The following PPP2R3C variants were observed in gnomAD, a reference collection of about 807,000 sequenced individuals.
The protein encoded by PPP2R3C is serine/threonine-protein phosphatase 2A regulatory subunit B'' subunit gamma.
PPP2R3C carries 47 observed loss-of-function variants against 63.7 expected under a neutral mutation model. The ratio of observed to expected loss-of-function variants is 0.74; its 90% CI spans 0.58 to 0.94. The LOEUF is 0.94. PPP2R3C is among the 40% of genes least tolerant of loss of function. PPP2R3C has a pLI of 0.00. For synonymous variants in PPP2R3C, 180 were observed against 177.4 expected, an observed-to-expected ratio of 1.01 and a Z score of -0.12; for missense variants, 421 against 518.4, an observed-to-expected ratio of 0.81 and a Z score of 1.82.
chr14:35,101,373 A>G (rs1377227823), intron 6 of PPP2R3C: 1 of 152,240 alleles, frequency 6.6e-6, no homozygotes, highest in Non-Finnish European at 1.5e-5. Flanking sequence ...GGAAATGAGG[A>G]GGGCAAGTGT....
intron 6 of PPP2R3C, chr14:35,102,233 AG>A (rs2138659965): frequency 6.6e-6 from 1 of 152,320 alleles, no homozygotes; most frequent in Non-Finnish European, 1.5e-5. Flanking sequence ...CATGTTGGCC[AG>A]GCTGGTCTCG....
intron 6 of PPP2R3C, among the ~76,000 whole-genome samples, chr14:35,104,543 A>G (rs2046289857): frequency 6.6e-6 from 1 of 152,176 alleles, no homozygotes; most frequent in African/African-American, 2.4e-5. Context: ...CCTGAGGTGA[A>G]AAGTAAGTCC....
intron 4 of PPP2R3C, among the ~76,000 whole-genome samples, chr14:35,109,512 T>A (rs1479330574): frequency 6.6e-6 from 1 of 151,882 alleles, no homozygotes; most frequent in Non-Finnish European, 1.5e-5. Context: ...AAGGTCTTGC[T>A]CTATCGCCCA....
At chr14:35,108,277 A>G in intron 4 of PPP2R3C, 41 bp from the exon 5 acceptor site, 1 of 1,530,958 alleles carries the variant, frequency 6.5e-7, no homozygotes. Flanking sequence ...CTGCCAACAT[A>G]AAAGAAAATG....
chr14:35,091,492 G>A (rs891746892), intron 10 of PPP2R3C, among the ~76,000 whole-genome samples: 4 of 150,700 alleles, frequency 2.7e-5, no homozygotes, highest in Non-Finnish European at 4.4e-5. Flanking sequence ...CTCAGCCTCC[G>A]GAGTAGCTGG....
chr14:35,094,337 A>AT (rs1173397271), intron 10 of PPP2R3C, among the ~76,000 whole-genome samples: 24 of 152,000 alleles, frequency 1.6e-4, no homozygotes, highest in Admixed American at 1.6e-3. Flanking sequence ...TGCCCAAGTA[A>AT]TTTTTTTATT....
intron 10 of PPP2R3C, among the ~76,000 whole-genome samples, chr14:35,094,484 A>ATT (rs1566687546): frequency 9.4e-5 from 14 of 149,320 alleles, no homozygotes; most frequent in South Asian, 4.3e-4. Context: ...TTTTTTTTAA[A>ATT]AAAAAAAAAA....
At chr14:35,121,755 A>T in intron 1 of PPP2R3C, 147 bp downstream of exon 1, 1 of 890,498 alleles carries the variant, frequency 1.1e-6, no homozygotes, top group East Asian at 2.6e-5. Flanking sequence ...CGGGATCCTT[A>T]AACCACATTC....
intron 6 of PPP2R3C, 47 bp from the exon 7 acceptor site, chr14:35,099,431 T>C (rs200278027): frequency 5.8e-5 from 90 of 1,549,162 alleles, no homozygotes; most frequent in African/African-American, 1.8e-4. Context: ...TCTTGATTCA[T>C]TAGATATTAG....
intron 1 of PPP2R3C, among the ~76,000 whole-genome samples, chr14:35,117,696 A>C (rs1459058227): frequency 6.6e-6 from 1 of 150,950 alleles, no homozygotes; most frequent in African/African-American, 2.4e-5. Flanking sequence ...TGCATCTGTT[A>C]ATTTTTTTTT....
chr14:35,112,572 C>G (rs539860998), intron 2 of PPP2R3C, among the ~76,000 whole-genome samples: 34 of 152,150 alleles, frequency 2.2e-4, no homozygotes, highest in African/African-American at 7.9e-4. Flanking sequence ...GAGTATAAAC[C>G]AAAAATAAAA....
At chr14:35,087,077 G>C (rs2045626784) in intron 12 of PPP2R3C, 2 of 152,134 alleles carry the variant, frequency 1.3e-5, no homozygotes, top group Admixed American at 1.3e-4. Flanking sequence ...CATTTTGTTA[G>C]GATGGGAGAG....
intron 1 of PPP2R3C, 91 bp downstream of exon 1, chr14:35,121,811 G>A: frequency 1.4e-6 from 2 of 1,388,612 alleles, no homozygotes; most frequent in Non-Finnish European, 2.0e-6. Context: ...CGGAAAAGGC[G>A]GCTCCCCCTT....
intron 2 of PPP2R3C, among the ~76,000 whole-genome samples, chr14:35,111,027 A>G (rs2046540233): frequency 6.6e-6 from 1 of 151,534 alleles, no homozygotes; most frequent in African/African-American, 2.4e-5. Context: ...TCATGAAGTC[A>G]AGAGATCGAC....
chr14:35,094,687 G>A (rs2045939389), intron 10 of PPP2R3C, among the ~76,000 whole-genome samples: 1 of 151,936 alleles, frequency 6.6e-6, no homozygotes, highest in South Asian at 2.1e-4. Flanking sequence ...GCTGGGCCGA[G>A]TGTGGTGGCT....
At chr14:35,117,679 T>C (rs2046747035) in intron 1 of PPP2R3C, among the ~76,000 whole-genome samples, 1 of 152,124 alleles carries the variant, frequency 6.6e-6, no homozygotes, top group Non-Finnish European at 1.5e-5. Context: ...TATGACTGCA[T>C]TTCTGCTGCA....
At chr14:35,108,614 G>A (rs1329024939) in intron 4 of PPP2R3C, among the ~76,000 whole-genome samples, 3 of 151,894 alleles carry the variant, frequency 2.0e-5, no homozygotes, top group Non-Finnish European at 4.4e-5. Context: ...GCCAATATTT[G>A]AGGCATTTAA....
chr14:35,092,008 CTG>C (rs1015735717), intron 10 of PPP2R3C, among the ~76,000 whole-genome samples: 4 of 152,202 alleles, frequency 2.6e-5, no homozygotes, highest in African/African-American at 9.7e-5. Context: ...GCATGCACCA[CTG>C]TGCCCAGCCC....
chr14:35,122,193 G>A, upstream of PPP2R3C: 1 of 547,148 alleles, frequency 1.8e-6, no homozygotes, highest in Admixed American at 3.1e-5. Context: ...ATGGAAAATG[G>A]TTCTCCTTCA....
Sources: allele counts gnomAD v4.1 joint callset (sites outside exome capture counted in the v4.1 genomes callset), GRCh38; gene constraint gnomAD v4.1.1; transcripts MANE v1.5; gene names NCBI Gene and HGNC (gene_info 2026-07-23, HGNC 2026-07-21).